Variants in SH3KBP1 observed in about 807,000 individuals in gnomAD.
SH3KBP1 encodes SH3 domain containing kinase binding protein 1, also known as SH3 domain-containing kinase-binding protein 1.
SH3KBP1 carries 8 observed loss-of-function variants against 50.1 expected under a neutral mutation model. That is an observed-to-expected ratio of 0.16 (90% CI 0.09 to 0.29). The LOEUF is 0.29. SH3KBP1 is among the 10% of genes least tolerant of loss of function. The pLI is 1.00. For synonymous variants in SH3KBP1, 227 were observed against 218.6 expected, an observed-to-expected ratio of 1.04 and a Z score of -0.34; for missense variants, 377 against 535.2, an observed-to-expected ratio of 0.70 and a Z score of 2.92.
intron 2 of SH3KBP1, among the ~76,000 whole-genome samples, chrX:19,826,747 TAACAC>T (rs1172344046): frequency 2.0e-5 from 2 of 101,311 alleles, no homozygotes; most frequent in African/African-American, 7.5e-5. Context: ...TAACATAACA[TAACAC>T]ACCCAGAAAA....
intron 1 of SH3KBP1, among the ~76,000 whole-genome samples, chrX:19,879,399 C>T (rs2069365038): frequency 9.0e-6 from 1 of 111,704 alleles, no homozygotes; most frequent in Non-Finnish European, 1.9e-5. Context: ...CACTAGGGGA[C>T]CATTGTCACT....
At chrX:19,681,544 T>TA (rs1294698210) in intron 6 of SH3KBP1, among the ~76,000 whole-genome samples, 1 of 111,965 alleles carries the variant, frequency 8.9e-6, no homozygotes, top group Non-Finnish European at 1.9e-5. Flanking sequence ...TAGAAGATGG[T>TA]ATGTGCCACA....
chrX:19,622,431 A>G (rs1173096077), intron 8 of SH3KBP1, among the ~76,000 whole-genome samples: 1 of 112,613 alleles, frequency 8.9e-6, no homozygotes, highest in Non-Finnish European at 1.9e-5. Context: ...AAATGCATCA[A>G]TACAGTATTA....
At chrX:19,641,232 C>T (rs1455853671) in intron 7 of SH3KBP1, among the ~76,000 whole-genome samples, 1 of 111,986 alleles carries the variant, frequency 8.9e-6, no homozygotes, top group Non-Finnish European at 1.9e-5. Context: ...CACCGGCAAG[C>T]CAAGGAACAC....
At chrX:19,651,553 C>T (rs1029452473) in intron 6 of SH3KBP1, among the ~76,000 whole-genome samples, 4 of 112,134 alleles carry the variant, frequency 3.6e-5, no homozygotes, top group East Asian at 2.8e-4. Context: ...TTTCTGATTA[C>T]GAAATTGGGC....
At chrX:19,837,456 A>G (rs2068088768) in intron 1 of SH3KBP1, among the ~76,000 whole-genome samples, 1 of 105,597 alleles carries the variant, frequency 9.5e-6, no homozygotes, top group African/African-American at 3.5e-5. Context: ...AACCAATTTC[A>G]TAACACTTTT....
intron 2 of SH3KBP1, among the ~76,000 whole-genome samples, chrX:19,760,041 C>CCTCTCTCTCTCTCTCTCTCCCT (rs2065352033): frequency 9.7e-4 from 49 of 50,433 alleles, no homozygotes; most frequent in Non-Finnish European, 1.7e-3. Flanking sequence ...TCTCTCTCTC[C>CCTCTCTCTCTCTCTCTCTCCCT]CTCTCTCTCT....
intron 1 of SH3KBP1, among the ~76,000 whole-genome samples, chrX:19,881,701 T>G (rs1420712460): frequency 2.7e-5 from 3 of 111,322 alleles, no homozygotes; most frequent in African/African-American, 9.8e-5. Flanking sequence ...ACACCTGAAT[T>G]GGCAAAGTGG....
At chrX:19,599,522 A>G (rs976499281) in intron 9 of SH3KBP1, among the ~76,000 whole-genome samples, 2 of 112,232 alleles carry the variant, frequency 1.8e-5, no homozygotes, top group African/African-American at 6.5e-5. Flanking sequence ...AGTTGGGAGC[A>G]CAGTTTTGAA....
intron 9 of SH3KBP1, among the ~76,000 whole-genome samples, chrX:19,606,984 A>G (rs1055564281): frequency 8.9e-6 from 1 of 112,984 alleles, no homozygotes; most frequent in Non-Finnish European, 1.9e-5. Flanking sequence ...CTAATGGTCT[A>G]TGGGCCGTAA....
chrX:19,635,522 G>A (rs1002864512), intron 7 of SH3KBP1, among the ~76,000 whole-genome samples: 5 of 107,820 alleles, frequency 4.6e-5, no homozygotes, highest in Non-Finnish European at 9.5e-5. Context: ...CATTCTGCAC[G>A]TGTATCCCGT....
intron 6 of SH3KBP1, among the ~76,000 whole-genome samples, chrX:19,672,643 C>T (rs1448781383): frequency 8.9e-6 from 1 of 111,978 alleles, no homozygotes; most frequent in Non-Finnish European, 1.9e-5. Context: ...GTCTGGGAAA[C>T]TGTTAAAGCC....
chrX:19,592,892 T>C (rs1286670280), intron 10 of SH3KBP1, among the ~76,000 whole-genome samples: 1 of 112,148 alleles, frequency 8.9e-6, no homozygotes, highest in Non-Finnish European at 1.9e-5. Context: ...ATCTTCAAAG[T>C]GGATCCTCCA....
intron 4 of SH3KBP1, among the ~76,000 whole-genome samples, chrX:19,704,758 A>G (rs748681034): frequency 3.3e-4 from 37 of 112,621 alleles, no homozygotes; most frequent in Non-Finnish European, 5.8e-4. Context: ...GATCATTACA[A>G]TGCAAAGTAT....
At chrX:19,760,041 C>CCTCTCTCTCTCTCTCTCTCCCTCTCTCT (rs2065352033) in intron 2 of SH3KBP1, among the ~76,000 whole-genome samples, 1 of 50,461 alleles carries the variant, frequency 2.0e-5, no homozygotes, top group Non-Finnish European at 3.6e-5. Flanking sequence ...TCTCTCTCTC[C>CCTCTCTCTCTCTCTCTCTCCCTCTCTCT]CTCTCTCTCT....
chrX:19,829,458 A>G (rs1335471832), intron 2 of SH3KBP1, among the ~76,000 whole-genome samples: 1 of 109,842 alleles, frequency 9.1e-6, no homozygotes, highest in Non-Finnish European at 1.9e-5. Context: ...TTTATTAAGA[A>G]AGTAAAGGGG....
intron 2 of SH3KBP1, among the ~76,000 whole-genome samples, chrX:19,753,229 T>C (rs1362392896): frequency 9.0e-6 from 1 of 111,729 alleles, no homozygotes; most frequent in Non-Finnish European, 1.9e-5. Context: ...ACAGACATCA[T>C]TCATCAGCCT....
At chrX:19,691,325 GCTCTCTCTCT>G (rs747033807) in intron 5 of SH3KBP1, among the ~76,000 whole-genome samples, 26 of 84,373 alleles carry the variant, frequency 3.1e-4, no homozygotes, top group African/African-American at 9.4e-4. Context: ...AATCTCTGTC[GCTCTCTCTCT>G]CTCTCTCTCT....
chrX:19,873,181 AATAGTTAC>A (rs2069107618), intron 1 of SH3KBP1, among the ~76,000 whole-genome samples: 1 of 107,051 alleles, frequency 9.3e-6, no homozygotes, highest in South Asian at 4.1e-4. Context: ...ATGACAGGGA[AATAGTTAC>A]ATAAATTAAG....
Sources: gnomAD v4.1 joint callset for allele counts (sites outside exome capture counted in the v4.1 genomes callset) on GRCh38, gnomAD v4.1.1 for gene constraint, MANE v1.5 for transcripts, NCBI Gene and HGNC (gene_info 2026-07-23, HGNC 2026-07-21) for gene names.